The following BCO1 variants were observed in gnomAD, a reference collection of about 807,000 sequenced individuals.
BCO1 encodes the protein beta-carotene oxygenase 1, also known as beta,beta-carotene 15,15'-dioxygenase.
BCO1 carries 54 observed loss-of-function variants against 56.3 expected under a neutral mutation model. The observed-to-expected ratio is 0.96, with a 90% confidence interval of 0.77 to 1.20. BCO1 has a LOEUF of 1.20. BCO1 is among the 50% of genes most tolerant of loss of function. The pLI is 0.00. For missense variants in BCO1, 801 were observed against 690.9 expected, an observed-to-expected ratio of 1.16 and a Z score of -1.79; for synonymous variants, 318 against 266.1, an observed-to-expected ratio of 1.20 and a Z score of -1.90.
At chr16:81,245,224 T>G (rs1337654019) in intron 1 of BCO1, among the ~76,000 whole-genome samples, 1 of 152,222 alleles carries the variant, frequency 6.6e-6, no homozygotes, top group Non-Finnish European at 1.5e-5. Context: ...CTTGGGTGTC[T>G]GTTTATTCAT....
chr16:81,265,657 A>C (rs1906773257), intron 5 of BCO1, among the ~76,000 whole-genome samples: 1 of 134,156 alleles, frequency 7.5e-6, no homozygotes. Flanking sequence ...CCACCCACAC[A>C]CCATCTACCC....
At chr16:81,242,037 T>A (rs1168747788) in intron 1 of BCO1, among the ~76,000 whole-genome samples, 3 of 152,076 alleles carry the variant, frequency 2.0e-5, no homozygotes. Flanking sequence ...GGTGTATGAA[T>A]GCATGTAAGT....
At chr16:81,268,189 G>T in intron 6 of BCO1, 58 bp downstream of exon 6, 1 of 1,496,892 alleles carries the variant, frequency 6.7e-7, no homozygotes, top group Admixed American at 1.7e-5. Context: ...AGGGAGGCTG[G>T]TGTGCAGGAG....
At chr16:81,284,763 G>T (rs1908077441) in intron 8 of BCO1, among the ~76,000 whole-genome samples, 1 of 151,670 alleles carries the variant, frequency 6.6e-6, no homozygotes, top group Non-Finnish European at 1.5e-5. Flanking sequence ...GGGATTACAG[G>T]CATGAGCCAC....
chr16:81,258,004 G>C (rs1307970511), intron 2 of BCO1, among the ~76,000 whole-genome samples: 2 of 152,094 alleles, frequency 1.3e-5, no homozygotes, highest in African/African-American at 4.8e-5. Context: ...AGGAGCGTCA[G>C]CCTCAGAGGA....
chr16:81,271,552 C>G (rs982299488), intron 7 of BCO1, among the ~76,000 whole-genome samples: 8 of 152,196 alleles, frequency 5.3e-5, no homozygotes, highest in African/African-American at 1.9e-4. Flanking sequence ...TCCTAGTCTT[C>G]CCCTCCCTGC....
In BCO1 at chr16:81,270,386, G is replaced by A; in HGVS notation, c.1071G>A (p.Arg357=). 1 of 1,614,094 alleles carries A rather than the reference G, an allele frequency of 6.2e-7. No homozygotes were observed. Among genetic ancestry groups the A allele is most frequent in the Non-Finnish European group, 8.5e-7 (1 of 1,180,022 alleles). ...GGCTCACCTCGGTCCCCACCCTCAGGAGGTTTGCCGTGCCCCTCCACGTGG... is the reference window on the plus strand; with the variant it reads ...GGCTCACCTCGGTCCCCACCCTCAGAAGGTTTGCCGTGCCCCTCCACGTGG... ...NSRLTSVPTL[R]RFAVPLHVDK... is the part of the protein sequence containing the mutation. The change falls in exon 7 of 11, where the codon AGG becomes AGA. Residue 357 remains arginine, a synonymous_variant. Coordinates refer to ENST00000258168, the MANE Select transcript of BCO1 (RefSeq NM_017429.3).
At chr16:81,255,707 G>C (rs978996954) in intron 2 of BCO1, among the ~76,000 whole-genome samples, 2 of 151,828 alleles carry the variant, frequency 1.3e-5, no homozygotes, top group Non-Finnish European at 1.5e-5. Context: ...GGGTTTCACC[G>C]TATAGGCCAG....
Position 81,270,397 on chromosome 16 carries a change from T to C in BCO1, c.1082T>C (p.Val361Ala), listed in dbSNP as rs372190931. Reference sequence around the variant, plus strand: ...GTCCCCACCCTCAGGAGGTTTGCCGTGCCCCTCCACGTGGACAAGGTAATG... The same window carrying C: ...GTCCCCACCCTCAGGAGGTTTGCCGCGCCCCTCCACGTGGACAAGGTAATG... ...TSVPTLRRFAVPLHVDKNAEV... is the reference protein window; with the variant it reads ...TSVPTLRRFAAPLHVDKNAEV... The change falls in exon 7 of 11, where the codon GTG (valine) becomes GCG (alanine). Residue 361 changes from valine to alanine, a missense_variant. Physicochemically the swap from Val to Ala is moderately conservative, Grantham distance 64 (BLOSUM62 0). Coordinates refer to ENST00000258168, the MANE Select transcript of BCO1 (RefSeq NM_017429.3). The C allele has an allele frequency of 1.2e-5, 19 of 1,613,950 alleles. No individual in the cohort carries two copies. The highest frequency in any genetic ancestry group is 1.4e-5 in the Non-Finnish European group (16 of 1,180,018).
intron 7 of BCO1, among the ~76,000 whole-genome samples, chr16:81,273,175 GT>G (rs1907342707): frequency 6.6e-6 from 1 of 152,084 alleles, no homozygotes. Flanking sequence ...TAGAGATGGG[GT>G]TTCACCATGT....
chr16:81,259,607 AGG>A (rs1906356393), intron 2 of BCO1, 67 bp from the exon 3 acceptor site: 1 of 1,606,590 alleles, frequency 6.2e-7, no homozygotes, highest in Non-Finnish European at 8.5e-7. Context: ...AACCCATACA[AGG>A]ACTGACATTG....
intron 1 of BCO1, among the ~76,000 whole-genome samples, chr16:81,243,454 ATCATTCAT>A (rs149998320): frequency 6.0e-5 from 9 of 150,890 alleles, no homozygotes; most frequent in African/African-American, 1.2e-4. Flanking sequence ...CCTGGTCTTG[ATCATTCAT>A]TCATTCATTC....
chr16:81,241,414 A>G (rs979231106), intron 1 of BCO1, among the ~76,000 whole-genome samples: 1 of 152,206 alleles, frequency 6.6e-6, no homozygotes, highest in Non-Finnish European at 1.5e-5. Flanking sequence ...AAATCCTTGG[A>G]AATGTTAGAA....
chr16:81,248,405 C>CAAAAAAAAAAAAA (rs372084002), intron 2 of BCO1, among the ~76,000 whole-genome samples: 16 of 102,794 alleles, frequency 1.6e-4, no homozygotes, highest in African/African-American at 6.8e-4. Flanking sequence ...CTCCCTCTCA[C>CAAAAAAAAAAAAA]AAAAAAAAAA....
chr16:81,290,638 C>A lies in BCO1; in HGVS notation c.*61C>A. 7.2e-7 allele frequency: 1 copy of A among 1,381,650 alleles called. No individual in the cohort carries two copies. The highest frequency in any genetic ancestry group is 2.3e-5 in the East Asian group (1 of 43,576). The allele number at this position is 1,381,650 out of a possible 1,614,324, so 85.6% of individuals were successfully genotyped here. A position where few individuals can be genotyped will look rare whatever the true frequency, so the allele number is the denominator to read the frequency against. On this transcript the variant is annotated 3_prime_UTR_variant, in exon 11 of 11. Transcript: ENST00000258168. ...CTGTCAGAACTCCATGGATATGTTTCTTTGGATGGAGGGGAGGGCCTTTGT... is the reference window on the plus strand; with the variant it reads ...CTGTCAGAACTCCATGGATATGTTTATTTGGATGGAGGGGAGGGCCTTTGT...
intron 2 of BCO1, among the ~76,000 whole-genome samples, 190 bp from the exon 3 acceptor site, chr16:81,259,486 C>T (rs1906347534): frequency 6.6e-6 from 1 of 152,002 alleles, no homozygotes; most frequent in African/African-American, 2.4e-5. Flanking sequence ...AAGAGCAAAA[C>T]TCAAAAAAAT....
At chr16:81,250,234 G>A (rs111677448) in intron 2 of BCO1, among the ~76,000 whole-genome samples, 182 of 152,234 alleles carry the variant, frequency 1.2e-3, no homozygotes, top group African/African-American at 4.2e-3. Context: ...CTCAGACATA[G>A]ACGCAATACT....
At chr16:81,254,863 C>T (rs184554066) in intron 2 of BCO1, among the ~76,000 whole-genome samples, 3 of 152,130 alleles carry the variant, frequency 2.0e-5, no homozygotes, top group South Asian at 2.1e-4. Context: ...GTAGTGCGAT[C>T]TTGGCTCACT....
rs201320081 is a variant in BCO1 at position 81,245,510 on chromosome 16, C to T, written c.100C>T (p.Arg34Cys). Residue 34 changes from arginine (R) to cysteine (C), a missense_variant, in exon 2 of 11, where the codon CGC becomes TGC. Physicochemically the swap from Arg to Cys is radical, Grantham distance 180 (BLOSUM62 -3). Transcript: ENST00000258168. ...AGCATGGCTGCAGGGAACCCTGCTCCGCAATGGGCCTGGGATGCACACAGT... is the reference window on the plus strand; with the variant it reads ...AGCATGGCTGCAGGGAACCCTGCTCTGCAATGGGCCTGGGATGCACACAGT... ...IPAWLQGTLL[R>C]NGPGMHTVGE... 20 of 1,613,752 alleles carry T rather than the reference C, an allele frequency of 1.2e-5. No individual in the cohort carries two copies. Among genetic ancestry groups the T allele is most frequent in the South Asian group, 2.2e-5 (2 of 91,060 alleles).
Sources: allele counts gnomAD v4.1 joint callset (sites outside exome capture counted in the v4.1 genomes callset), GRCh38; gene constraint gnomAD v4.1.1; transcripts MANE v1.5; gene names NCBI Gene and HGNC (gene_info 2026-07-23, HGNC 2026-07-21).